The following PRICKLE2 variants were observed in gnomAD, a reference collection of about 807,000 sequenced individuals.
PRICKLE2 encodes prickle-like protein 2.
Under a neutral mutation model 81.4 loss-of-function variants are expected in PRICKLE2, and 21 were observed. The observed-to-expected ratio is 0.26, with a 90% CI of 0.18 to 0.37. The LOEUF is 0.37. PRICKLE2 is among the 10% of genes least tolerant of loss of function. The pLI is 1.00. For synonymous variants in PRICKLE2, 456 were observed against 421.5 expected, an observed-to-expected ratio of 1.08 and a Z score of -1.00; for missense variants, 940 against 1,109.0, an observed-to-expected ratio of 0.85 and a Z score of 2.16.
intron 1 of PRICKLE2, among the ~76,000 whole-genome samples, chr3:64,211,903 G>A (rs576414303): frequency 6.6e-6 from 1 of 152,290 alleles, no homozygotes; most frequent in South Asian, 2.1e-4. Flanking sequence ...TAAAGTCATG[G>A]CAGGGGGAGA....
intron 7 of PRICKLE2, among the ~76,000 whole-genome samples, chr3:64,119,014 T>C (rs1559519719): frequency 6.6e-6 from 1 of 152,190 alleles, no homozygotes; most frequent in East Asian, 1.9e-4. Context: ...ATGTGGTACA[T>C]ATACACCATA....
chr3:64,153,161 G>C (rs749507923), intron 6 of PRICKLE2, 21 bp downstream of exon 6: 1 of 1,612,720 alleles, frequency 6.2e-7, no homozygotes, highest in Non-Finnish European at 8.5e-7. Flanking sequence ...GGACCAAGCT[G>C]ACTGCCAAAT....
chr3:64,176,867 C>T (rs1018191949), intron 2 of PRICKLE2, among the ~76,000 whole-genome samples: 5 of 152,150 alleles, frequency 3.3e-5, no homozygotes, highest in Non-Finnish European at 7.4e-5. Flanking sequence ...TCAGTCTTTC[C>T]AGTTCCAAAA....
chr3:64,105,461 C>T (rs1288568492), intron 7 of PRICKLE2, among the ~76,000 whole-genome samples: 1 of 152,210 alleles, frequency 6.6e-6, no homozygotes, highest in East Asian at 1.9e-4. Flanking sequence ...ATGTTACCCA[C>T]AGCTTGGAAA....
chr3:64,212,833 T>C (rs2078810075), intron 1 of PRICKLE2, among the ~76,000 whole-genome samples: 1 of 152,062 alleles, frequency 6.6e-6, no homozygotes. Context: ...GTATTTAGGG[T>C]TCTTGTTCTC....
chr3:64,140,866 G>T (rs2077350333), intron 7 of PRICKLE2, among the ~76,000 whole-genome samples: 1 of 152,154 alleles, frequency 6.6e-6, no homozygotes, highest in Non-Finnish European at 1.5e-5. Context: ...GCTGTCACAG[G>T]AGAGAAAATG....
intron 7 of PRICKLE2, among the ~76,000 whole-genome samples, chr3:64,128,717 G>T (rs1483963561): frequency 7.6e-6 from 1 of 131,390 alleles, no homozygotes; most frequent in East Asian, 2.3e-4. Flanking sequence ...TTGTACTCCA[G>T]CCTGGGCAAC....
intron 7 of PRICKLE2, among the ~76,000 whole-genome samples, chr3:64,105,093 C>A (rs986092930): frequency 6.6e-6 from 1 of 152,134 alleles, no homozygotes; most frequent in Non-Finnish European, 1.5e-5. Context: ...CCTGTCTCCC[C>A]AAACACAACA....
At chr3:64,259,079 T>C (rs544867591) in intron 2 of PRICKLE2, among the ~76,000 whole-genome samples, 9 of 152,188 alleles carry the variant, frequency 5.9e-5, no homozygotes, top group African/African-American at 1.9e-4. Flanking sequence ...AGTGAAAAGA[T>C]CTAGAAGATG....
chr3:64,219,502 C>T lies in PRICKLE2; in HGVS notation c.-41+5408G>A, dbSNP rs534733739. Among the ~76,000 whole-genome samples, 66 of 152,302 alleles carry T rather than the reference C, an allele frequency of 4.3e-4. 1 individual carries two copies. In the South Asian group the frequency reaches 0.013, roughly 29 times the overall value. On this transcript the variant is annotated intron_variant, in intron 1 of 7. Coordinates refer to ENST00000638394, the MANE Select transcript of PRICKLE2 (RefSeq NM_198859.4). ...TTCTTCCACCTGCCTGCAGTTTTTA[C>T]TTCTCATCTCAGGGTGTCTTCTGAC...
At chr3:64,242,212 T>A (rs2079277099) in intron 2 of PRICKLE2, among the ~76,000 whole-genome samples, 1 of 152,216 alleles carries the variant, frequency 6.6e-6, no homozygotes, top group Admixed American at 6.5e-5. Flanking sequence ...AATGTGCACA[T>A]AATAATAATG....
intron 5 of PRICKLE2, 60 bp from the exon 6 acceptor site, chr3:64,153,428 G>A (rs2077577466): frequency 1.3e-6 from 2 of 1,554,578 alleles, no homozygotes; most frequent in South Asian, 1.1e-5. Flanking sequence ...TATTTTAAAG[G>A]AAGAAAGCTA....
At chr3:64,128,557 C>A (rs2077147492) in intron 7 of PRICKLE2, among the ~76,000 whole-genome samples, 1 of 151,960 alleles carries the variant, frequency 6.6e-6, no homozygotes. Context: ...ACCAGTCTGG[C>A]CAACAGAGTG....
intron 7 of PRICKLE2, among the ~76,000 whole-genome samples, chr3:64,130,315 A>G (rs2077178124): frequency 6.6e-6 from 1 of 152,190 alleles, no homozygotes; most frequent in Non-Finnish European, 1.5e-5. Context: ...TTTCTCATTT[A>G]ATCCCATGAA....
At chr3:64,123,867 T>C (rs191150852) in intron 7 of PRICKLE2, among the ~76,000 whole-genome samples, 6 of 152,252 alleles carry the variant, frequency 3.9e-5, no homozygotes, top group African/African-American at 1.2e-4. Context: ...CCAAACAATA[T>C]TGAAATTAGG....
At chr3:64,145,355 A>T (rs1161994869) in intron 7 of PRICKLE2, 3 of 147,704 alleles carry the variant, frequency 2.0e-5, no homozygotes, top group Admixed American at 6.8e-5. Flanking sequence ...TATATATGAT[A>T]TATATATACA....
intron 2 of PRICKLE2, among the ~76,000 whole-genome samples, chr3:64,168,242 A>G (rs188829585): frequency 2.1e-4 from 32 of 152,302 alleles, no homozygotes; most frequent in Admixed American, 2.0e-3. Context: ...CCGATTTCAG[A>G]ATCAATTGTT....
chr3:64,216,770 G>C (rs1356553416), intron 1 of PRICKLE2, among the ~76,000 whole-genome samples: 1 of 152,160 alleles, frequency 6.6e-6, no homozygotes, highest in African/African-American at 2.4e-5. Flanking sequence ...AGTCTAGCAA[G>C]AATCGAAGCT....
intron 1 of PRICKLE2, among the ~76,000 whole-genome samples, chr3:64,210,857 C>T (rs552442001): frequency 2.0e-5 from 3 of 152,208 alleles, no homozygotes; most frequent in African/African-American, 7.2e-5. Context: ...GATTGGTTTT[C>T]CCCAGAATCA....
Sources: allele counts gnomAD v4.1 joint callset (sites outside exome capture counted in the v4.1 genomes callset), GRCh38; gene constraint gnomAD v4.1.1; transcripts MANE v1.5; gene names NCBI Gene and HGNC (gene_info 2026-07-23, HGNC 2026-07-21).